The following NBAS variants were observed in gnomAD, a reference collection of about 807,000 sequenced individuals.
NBAS encodes the protein NBAS subunit of NRZ tethering complex, also known as NAG/BC035112 fusion.
In NBAS, 219 loss-of-function variants were observed where a neutral mutation model predicts 302.5. That is an observed-to-expected ratio of 0.72 (90% CI 0.65 to 0.81). The LOEUF (loss-of-function observed/expected upper bound fraction) is 0.81. NBAS is among the 30% of genes least tolerant of loss of function. The probability of loss-of-function intolerance (pLI) is 0.00; values close to 1 mark genes in which losing one functional copy is unlikely to be tolerated. For synonymous variants in NBAS, 1,118 were observed against 1,021.6 expected, an observed-to-expected ratio of 1.09 and a Z score of -1.80; for missense variants, 2,932 against 2,841.6, an observed-to-expected ratio of 1.03 and a Z score of -0.72.
chr2:15,045,032 T>C, the NBAS span, among the ~76,000 whole-genome samples: 1 of 152,368 alleles, frequency 6.6e-6, no homozygotes, highest in South Asian at 2.1e-4. Context: ...GAGCCCATTC[T>C]GACCAATTAG....
the NBAS span, among the ~76,000 whole-genome samples, chr2:15,106,443 C>T: frequency 1.3e-5 from 1 of 77,692 alleles, no homozygotes; most frequent in African/African-American, 3.9e-5. Flanking sequence ...GCCTCTATCT[C>T]TGTCTCTGTC....
At chr2:15,107,848 C>T in the NBAS span, among the ~76,000 whole-genome samples, 5 of 152,106 alleles carry the variant, frequency 3.3e-5, no homozygotes, top group Non-Finnish European at 7.4e-5. Context: ...TCAACCCCAT[C>T]CCCACTCCTG....
At chr2:15,274,908 G>A (rs943185482) in intron 44 of NBAS, among the ~76,000 whole-genome samples, 13 of 151,624 alleles carry the variant, frequency 8.6e-5, no homozygotes, top group Admixed American at 5.9e-4. Flanking sequence ...GGGACTACAG[G>A]TGCATACCAC....
At chr2:14,983,568 C>G in the NBAS span, among the ~76,000 whole-genome samples, 17 of 152,260 alleles carry the variant, frequency 1.1e-4, no homozygotes, top group South Asian at 3.5e-3. Flanking sequence ...CAACCCACTA[C>G]CCAAATTTCA....
At chr2:15,127,599 G>C in the NBAS span, among the ~76,000 whole-genome samples, 1 of 152,162 alleles carries the variant, frequency 6.6e-6, no homozygotes, top group Non-Finnish European at 1.5e-5. Flanking sequence ...CGATATTAAG[G>C]CTGTTCTTCT....
chr2:14,856,395 A>T, the NBAS span, among the ~76,000 whole-genome samples: 1 of 152,312 alleles, frequency 6.6e-6, no homozygotes, highest in Non-Finnish European at 1.5e-5. Context: ...GACAACAAAG[A>T]TCATCTATTA....
At chr2:15,157,768 G>C in the NBAS span, among the ~76,000 whole-genome samples, 3 of 152,194 alleles carry the variant, frequency 2.0e-5, no homozygotes, top group South Asian at 6.2e-4. Context: ...AAGAAGAAGG[G>C]GTCTGGACTG....
intron 31 of NBAS, among the ~76,000 whole-genome samples, chr2:15,368,239 G>T (rs1283948610): frequency 9.2e-6 from 1 of 108,620 alleles, no homozygotes; most frequent in African/African-American, 3.8e-5. Flanking sequence ...TCCCTCTGTT[G>T]CCCAGGCTGG....
intron 50 of NBAS, among the ~76,000 whole-genome samples, chr2:15,180,844 G>A (rs1172313605): frequency 6.6e-6 from 1 of 152,194 alleles, no homozygotes; most frequent in African/African-American, 2.4e-5. Context: ...ACACCTCCAG[G>A]TGTTTGCACA....
the NBAS span, among the ~76,000 whole-genome samples, chr2:14,866,185 G>C: frequency 6.6e-6 from 1 of 152,176 alleles, no homozygotes; most frequent in South Asian, 2.1e-4. Flanking sequence ...CATTATTTTA[G>C]AGAAGCCATC....
the NBAS span, among the ~76,000 whole-genome samples, chr2:14,902,993 G>A: frequency 6.6e-6 from 1 of 152,040 alleles, no homozygotes; most frequent in Non-Finnish European, 1.5e-5. Flanking sequence ...GACAGCAAAG[G>A]CACAGTTTGA....
intron 9 of NBAS, among the ~76,000 whole-genome samples, chr2:15,511,596 A>T (rs541762318): frequency 3.9e-5 from 6 of 152,358 alleles, no homozygotes; most frequent in Non-Finnish European, 8.8e-5. Context: ...GAACTTAGAA[A>T]TGAAGAAAAA....
chr2:14,923,739 T>G, the NBAS span, among the ~76,000 whole-genome samples: 2 of 151,990 alleles, frequency 1.3e-5, no homozygotes, highest in East Asian at 1.9e-4. Flanking sequence ...TTCTGAGGAG[T>G]GAGAAGTGAT....
At position 15,209,293 on chromosome 2, in the gene NBAS, G is replaced by C. The variant is rs980160649; in HGVS notation, c.6432+9480C>G. ...CAGACCAATAACAGGTAATGAGACA[G>C]AAGCCATAAGTCTCCCAGTAAAGAA... On this transcript the variant is annotated intron_variant, in intron 48 of 51. Transcript: ENST00000281513. Among the ~76,000 whole-genome samples the C allele has an allele frequency of 2.0e-4, 30 of 152,208 alleles. 1 individual carries two copies. The highest frequency in any genetic ancestry group is 1.2e-3 in the Admixed American group (18 of 15,296).
the NBAS span, among the ~76,000 whole-genome samples, chr2:14,790,536 AAAAAAG>A: frequency 2.6e-5 from 4 of 152,206 alleles, no homozygotes; most frequent in Admixed American, 6.5e-5. Context: ...CCTTTCCTCT[AAAAAAG>A]AAATTGTGTG....
chr2:15,057,149 G>A, the NBAS span, among the ~76,000 whole-genome samples: 3 of 151,824 alleles, frequency 2.0e-5, no homozygotes, highest in Admixed American at 6.6e-5. Context: ...AATGGTCATC[G>A]ACATTTGCAA....
Position 15,292,910 on chromosome 2 carries a change from G to A in NBAS, c.4798-144C>T. 3 of 829,764 alleles carry A rather than the reference G, an allele frequency of 3.6e-6. No individual in the cohort carries two copies. The South Asian group carries it at 4.6e-5, about 13-fold the overall frequency. The allele number at this position is 829,764 out of a possible 1,614,324, so 51.4% of individuals were successfully genotyped here. On this transcript the variant is annotated intron_variant, in intron 40 of 51. Coordinates refer to ENST00000281513, the MANE Select transcript of NBAS (RefSeq NM_015909.4). The stretch of plus-strand genomic sequence containing the variant: ...ATTTCATAAGGCTCACAACGGCCCT[G>A]AAAAGTCAGTTGCAGAAGTGGCACT...
the NBAS span, among the ~76,000 whole-genome samples, chr2:14,964,364 A>AT: frequency 2.8e-4 from 43 of 152,334 alleles, no homozygotes; most frequent in East Asian, 5.8e-3. Flanking sequence ...AATGTCTGAG[A>AT]TAAAAAAATA....
At chr2:15,148,240 C>T in the NBAS span, among the ~76,000 whole-genome samples, 3,739 of 152,228 alleles carry the variant, frequency 0.025, 173 homozygotes, top group African/African-American at 0.085. Flanking sequence ...AGTGTCATTC[C>T]CTGCACAGTG....
Sources: gnomAD v4.1 joint callset for allele counts (sites outside exome capture counted in the v4.1 genomes callset) on GRCh38, gnomAD v4.1.1 for gene constraint, MANE v1.5 for transcripts, NCBI Gene and HGNC (gene_info 2026-07-23, HGNC 2026-07-21) for gene names.